EXT1: variants seen among roughly 807,000 people sequenced by gnomAD.
The protein encoded by EXT1 is exostosin-1.
In EXT1, 20 loss-of-function variants were observed where a neutral mutation model predicts 82.5. That is an observed-to-expected ratio of 0.24 (90% CI 0.17 to 0.35). EXT1 has a LOEUF of 0.35. EXT1 is among the 10% of genes least tolerant of loss of function. The probability of loss-of-function intolerance (pLI) is 1.00; values close to 1 mark genes in which losing one functional copy is unlikely to be tolerated. For synonymous variants in EXT1, 348 were observed against 350.8 expected (o/e 0.99, Z 0.09); for missense variants, 757 against 936.5 (o/e 0.81, Z 2.50).
intron 1 of EXT1, among the ~76,000 whole-genome samples, chr8:117,978,738 A>T (rs1300596115): frequency 6.6e-6 from 1 of 152,214 alleles, no homozygotes; most frequent in Non-Finnish European, 1.5e-5. Context: ...ACCAGAACAT[A>T]GACTCCACAA....
chr8:118,060,198 C>A (rs1475087179), intron 1 of EXT1, among the ~76,000 whole-genome samples: 2 of 152,166 alleles, frequency 1.3e-5, no homozygotes, highest in African/African-American at 4.8e-5. Context: ...TAAAACAAAT[C>A]TTTCCTAGAT....
intron 1 of EXT1, among the ~76,000 whole-genome samples, chr8:117,961,084 A>C (rs1814689396): frequency 6.6e-6 from 1 of 152,074 alleles, no homozygotes; most frequent in African/African-American, 2.4e-5. Flanking sequence ...ACTTTGACCA[A>C]ATTTCAGGGC....
At chr8:117,982,037 GC>G (rs1213832366) in intron 1 of EXT1, among the ~76,000 whole-genome samples, 1 of 152,072 alleles carries the variant, frequency 6.6e-6, no homozygotes, top group Non-Finnish European at 1.5e-5. Flanking sequence ...TTCTATTGCT[GC>G]TGTAATAAAT....
chr8:117,853,724 C>T (rs537145853), intron 1 of EXT1, among the ~76,000 whole-genome samples: 1 of 152,308 alleles, frequency 6.6e-6, no homozygotes, highest in Admixed American at 6.5e-5. Context: ...AGCCCCTTTC[C>T]TATTGCCGCA....
At chr8:117,979,373 AACAAAC>A (rs1356757399) in intron 1 of EXT1, among the ~76,000 whole-genome samples, 1 of 145,928 alleles carries the variant, frequency 6.9e-6, no homozygotes, top group Non-Finnish European at 1.5e-5. Flanking sequence ...CAAACAAACA[AACAAAC>A]AAAAAAACAA....
At chr8:117,811,539 G>C (rs1424710528) in intron 8 of EXT1, among the ~76,000 whole-genome samples, 4 of 151,930 alleles carry the variant, frequency 2.6e-5, no homozygotes, top group African/African-American at 9.7e-5. Flanking sequence ...AGGACATTTT[G>C]TCCTGGGATT....
chr8:117,879,346 A>G (rs1813022310), intron 1 of EXT1, among the ~76,000 whole-genome samples: 1 of 152,212 alleles, frequency 6.6e-6, no homozygotes, highest in African/African-American at 2.4e-5. Flanking sequence ...AGTGAAACAA[A>G]AACAGAGCCT....
intron 10 of EXT1, among the ~76,000 whole-genome samples, chr8:117,801,800 C>T (rs989738348): frequency 3.3e-5 from 5 of 152,138 alleles, no homozygotes; most frequent in African/African-American, 9.7e-5. Flanking sequence ...GCCACTGTGC[C>T]CGGCCTGTGG....
chr8:118,075,053 G>A (rs192390480), intron 1 of EXT1, among the ~76,000 whole-genome samples: 15 of 152,248 alleles, frequency 9.9e-5, no homozygotes, highest in Admixed American at 8.5e-4. Flanking sequence ...CCCACACTCC[G>A]AACAGGCATT....
In EXT1 at chr8:117,980,274, C is replaced by T. The variant is rs570343789; in HGVS notation, c.962+129811G>A. 1.3e-4 allele frequency among the ~76,000 whole-genome samples: 20 copies of T among 152,142 alleles called. No individual in the cohort carries two copies. In the South Asian group the frequency reaches 4.2e-3, roughly 32 times the overall value. On this transcript the variant is annotated intron_variant, in intron 1 of 10. Coordinates refer to ENST00000378204, the MANE Select transcript of EXT1 (RefSeq NM_000127.3). ...GACCTGAGAGTCATCCTCGTCCTTC[C>T]CCCTCTCTTTTCCCCTTTTGCACCC...
intron 1 of EXT1, among the ~76,000 whole-genome samples, chr8:117,871,975 A>C (rs559585044): frequency 2.0e-5 from 3 of 152,188 alleles, no homozygotes; most frequent in Admixed American, 6.5e-5. Flanking sequence ...AAATAAAAAA[A>C]ATAATAATTA....
At chr8:117,952,248 A>G (rs1814504291) in intron 1 of EXT1, among the ~76,000 whole-genome samples, 1 of 152,244 alleles carries the variant, frequency 6.6e-6, no homozygotes, top group Non-Finnish European at 1.5e-5. Flanking sequence ...CATTACTGGT[A>G]TAGGTAATAA....
rs150017359 is a variant in EXT1, at chr8:117,963,689, C to T, written c.963-126488G>A. ...ATTTTTAGTGGAGATGGGGTTTCAC[C>T]ATGTTGGCAAGGCTGGTCTCAAACT... On this transcript the variant is annotated intron_variant, in intron 1 of 10. Coordinates refer to ENST00000378204, the MANE Select transcript of EXT1 (RefSeq NM_000127.3). Among the ~76,000 whole-genome samples the T allele has an allele frequency of 7.0e-3, 1,063 of 152,096 alleles. 4 individuals are homozygous for T. Among genetic ancestry groups the T allele is most frequent in the Non-Finnish European group, 0.012 (817 of 67,974 alleles).
At chr8:117,801,519 T>A (rs936984257) in intron 10 of EXT1, among the ~76,000 whole-genome samples, 5 of 152,126 alleles carry the variant, frequency 3.3e-5, no homozygotes, top group Admixed American at 2.6e-4. Context: ...TTTTTCTTTT[T>A]TTTAAAGGCA....
At chr8:117,959,197 G>T (rs142853696) in intron 1 of EXT1, among the ~76,000 whole-genome samples, 382 of 152,312 alleles carry the variant, frequency 2.5e-3, no homozygotes, top group African/African-American at 8.8e-3. Flanking sequence ...ATGCCTTAGG[G>T]AAAGCTGGCC....
intron 1 of EXT1, among the ~76,000 whole-genome samples, chr8:117,865,075 C>A (rs1812752850): frequency 6.6e-6 from 1 of 152,260 alleles, no homozygotes; most frequent in East Asian, 1.9e-4. Flanking sequence ...AGCTGACTGA[C>A]TCCATACAAA....
intron 3 of EXT1, among the ~76,000 whole-genome samples, chr8:117,831,249 CAA>C (rs1812094584): frequency 6.6e-6 from 1 of 152,168 alleles, no homozygotes; most frequent in South Asian, 2.1e-4. Context: ...GCTGATTTCT[CAA>C]AGACTCCACT....
At chr8:117,889,373 A>G (rs1182501409) in intron 1 of EXT1, among the ~76,000 whole-genome samples, 1 of 152,228 alleles carries the variant, frequency 6.6e-6, no homozygotes, top group Non-Finnish European at 1.5e-5. Flanking sequence ...ACCGTGAGTT[A>G]AAACACATTC....
chr8:117,982,700 T>C (rs1815234935), intron 1 of EXT1, among the ~76,000 whole-genome samples: 1 of 152,138 alleles, frequency 6.6e-6, no homozygotes, highest in Admixed American at 6.6e-5. Context: ...TTCACCATGT[T>C]GGCCAGGTCT....
Sources: allele counts gnomAD v4.1 joint callset (sites outside exome capture counted in the v4.1 genomes callset), GRCh38; gene constraint gnomAD v4.1.1; transcripts MANE v1.5; gene names NCBI Gene and HGNC (gene_info 2026-07-23, HGNC 2026-07-21).